The following ELL variants were observed in gnomAD, a reference collection of about 807,000 sequenced individuals.
The protein encoded by ELL is RNA polymerase II elongation factor ELL.
A neutral mutation model predicts 64.0 loss-of-function variants in ELL; 18 were observed. That is an observed-to-expected ratio of 0.28 (90% confidence interval 0.19 to 0.42). ELL has a LOEUF of 0.42. Ranked by LOEUF, ELL falls within the 10% of genes least tolerant of loss-of-function variation. ELL has a pLI of 1.00. For missense variants in ELL, 797 were observed against 870.4 expected (o/e 0.92, Z 1.06); for synonymous variants, 399 against 376.2 (o/e 1.06, Z -0.70).
At chr19:18,520,140 G>A (rs572736118) in intron 1 of ELL, among the ~76,000 whole-genome samples, 17 of 152,250 alleles carry the variant, frequency 1.1e-4, no homozygotes, top group African/African-American at 3.6e-4. Flanking sequence ...ACACACAGGC[G>A]GACCTTCTGG....
chr19:18,453,383 A>G (rs1007082124), intron 6 of ELL, among the ~76,000 whole-genome samples: 18 of 152,272 alleles, frequency 1.2e-4, no homozygotes, highest in African/African-American at 4.1e-4. Flanking sequence ...CTAAAAGCAC[A>G]TAACAAGATG....
Position 18,449,808 on chromosome 19 carries a change from T to C in ELL, c.1465+669A>G, listed in dbSNP as rs1345246811. Among the ~76,000 whole-genome samples, 1 of 152,190 alleles carries C rather than the reference T, an allele frequency of 6.6e-6. No homozygotes were observed. The highest frequency in any genetic ancestry group is 6.5e-5 in the Admixed American group (1 of 15,278). On this transcript the variant is annotated intron_variant, in intron 8 of 11. Transcript: ENST00000262809. This position sits in a 1 kb window ranked among gnomAD's most constrained non-coding sequence, Gnocchi z 4.4. ...TGGCCACTGCTTCTGCTGGTTCCTA[T>C]AAATGAACAGCTGCGCAGGCTCATG... is the stretch of plus-strand genomic sequence containing the variant.
chr19:18,446,277 C>T, intron 10 of ELL, 32 bp downstream of exon 10: 10 of 1,522,284 alleles, frequency 6.6e-6, no homozygotes, highest in Non-Finnish European at 8.8e-6. Context: ...CCCGCCAGAG[C>T]CAGGGCACAG....
At position 18,450,888 on chromosome 19, in the gene ELL, C is replaced by T. The variant is rs780211793; in HGVS notation, c.1054G>A (p.Val352Ile). The part of the protein sequence containing the change: ...SHFTQRAQPA[V>I]NGKLGVPNGR... ...TTGGGCACGCCCAGCTTCCCGTTGA[C>T]GGCAGGCTGAGCTCTCTGAGTGAAG... Residue 352 changes from valine to isoleucine, a missense_variant, in exon 8 of 12, where the codon GTC becomes ATC. Physicochemically the swap from Val to Ile is conservative, Grantham distance 29. Coordinates refer to ENST00000262809, the MANE Select transcript of ELL (RefSeq NM_006532.4). The T allele has an allele frequency of 2.0e-5, 32 of 1,575,178 alleles. No homozygotes were observed. The highest frequency in any genetic ancestry group is 5.7e-5 in the South Asian group (5 of 87,126).
intron 2 of ELL, chr19:18,470,950 T>A: frequency 8.8e-6 from 4 of 456,608 alleles, no homozygotes; most frequent in South Asian, 6.2e-5. Context: ...AGAGGCTCCA[T>A]GTCTCTGCAG....
At chr19:18,512,876 A>G (rs964632524) in intron 1 of ELL, among the ~76,000 whole-genome samples, 1 of 152,190 alleles carries the variant, frequency 6.6e-6, no homozygotes, top group Non-Finnish European at 1.5e-5. Context: ...CTGATCCCCA[A>G]TATGCAGTTC....
In ELL at chr19:18,446,381, C is replaced by T; in HGVS notation, c.1632G>A (p.Glu544=). The stretch of plus-strand genomic sequence containing the variant: ...GCTGGGTGAACCGCCGCGTGATGCG[C>T]TCAATGCGGGCGTGCAGGTCGCGGT... The part of the protein sequence containing the change: ...SEYRDLHARI[E]RITRRFTQLD... The change falls in exon 10 of 12, where the codon GAG becomes GAA. Residue 544 remains glutamate (E), a synonymous_variant. Coordinates refer to ENST00000262809, the MANE Select transcript of ELL (RefSeq NM_006532.4). 1 of 1,611,094 alleles carries T rather than the reference C, an allele frequency of 6.2e-7. No individual in the cohort carries two copies. Among genetic ancestry groups the T allele is most frequent in the Middle Eastern group, 1.7e-4 (1 of 6,056 alleles).
At position 18,451,572 on chromosome 19, in the gene ELL, G is replaced by T; in HGVS notation, c.946C>A (p.Arg316Ser). 6.7e-7 allele frequency: 1 copy of T among 1,490,908 alleles called. No individual in the cohort carries two copies. The allele number at this position is 1,490,908 out of a possible 1,614,324, so 92.4% of individuals were successfully genotyped here. A position where few individuals can be genotyped will look rare whatever the true frequency, so the allele number is the denominator to read the frequency against. ...CTTACCTGTGGGGGCGAGGCCGAGC[G>T]CCCACGCTCGCCTGGGGGGCTGGAG... is the stretch of plus-strand genomic sequence containing the variant. ...AASSPPGERG[R>S]SASPPQKRLQ... Residue 316 changes from arginine to serine, a missense_variant, in exon 7 of 12, where the codon CGC becomes AGC. Transcript: ENST00000262809.
chr19:18,503,772 G>T (rs1975828651), intron 1 of ELL, among the ~76,000 whole-genome samples: 1 of 152,140 alleles, frequency 6.6e-6, no homozygotes, highest in Admixed American at 6.5e-5. Context: ...CCCTTCCTTG[G>T]GTCCTGCCGA....
intron 1 of ELL, among the ~76,000 whole-genome samples, chr19:18,494,796 G>A (rs1975613453): frequency 6.6e-6 from 1 of 152,156 alleles, no homozygotes; most frequent in East Asian, 1.9e-4. Context: ...ACCAGGTGGG[G>A]CATCTTCCTG....
At chr19:18,447,091 A>G (rs1974432404) in intron 8 of ELL, among the ~76,000 whole-genome samples, 1 of 152,214 alleles carries the variant, frequency 6.6e-6, no homozygotes, top group Non-Finnish European at 1.5e-5. Flanking sequence ...CAGAGCACCC[A>G]GGCATCACCA....
intron 4 of ELL, among the ~76,000 whole-genome samples, chr19:18,462,056 G>T (rs1233033564): frequency 6.6e-6 from 1 of 152,174 alleles, no homozygotes; most frequent in Non-Finnish European, 1.5e-5. Context: ...GCACCTGCAG[G>T]GCACCCAGCC....
chr19:18,478,207 G>A (rs1171196653), intron 1 of ELL, among the ~76,000 whole-genome samples: 1 of 152,210 alleles, frequency 6.6e-6, no homozygotes, highest in Admixed American at 6.5e-5. Flanking sequence ...TGTCATGGCC[G>A]AACCCTTGTC....
intron 1 of ELL, among the ~76,000 whole-genome samples, chr19:18,481,088 G>A (rs1012131131): frequency 3.3e-5 from 5 of 152,168 alleles, no homozygotes; most frequent in African/African-American, 9.7e-5. Context: ...AGGACAGCAC[G>A]CTGAGCAGGC....
intron 1 of ELL, among the ~76,000 whole-genome samples, chr19:18,487,050 G>A (rs543996038): frequency 6.6e-6 from 1 of 152,330 alleles, no homozygotes; most frequent in South Asian, 2.1e-4. Flanking sequence ...CACGCAGTGG[G>A]TAAATCCTAA....
chr19:18,495,279 T>C (rs1975624456), intron 1 of ELL, among the ~76,000 whole-genome samples: 1 of 151,850 alleles, frequency 6.6e-6, no homozygotes, highest in African/African-American at 2.4e-5. Context: ...AGGGTCAGTG[T>C]CTGGCATGAC....
intron 2 of ELL, among the ~76,000 whole-genome samples, chr19:18,470,263 A>G (rs141916214): frequency 6.6e-6 from 1 of 152,366 alleles, no homozygotes; most frequent in Non-Finnish European, 1.5e-5. Flanking sequence ...ACGCAAGGAC[A>G]CCACTGTGTG....
intron 1 of ELL, among the ~76,000 whole-genome samples, chr19:18,507,615 T>C (rs1443502429): frequency 6.6e-6 from 1 of 152,244 alleles, no homozygotes; most frequent in East Asian, 1.9e-4. Flanking sequence ...TGCTGGTTTA[T>C]GGTGCACCTC....
chr19:18,505,076 G>A (rs891567670), intron 1 of ELL, among the ~76,000 whole-genome samples: 2 of 152,212 alleles, frequency 1.3e-5, no homozygotes, highest in African/African-American at 4.8e-5. Flanking sequence ...CTGCCATCAT[G>A]GCCAAACCTC....
Sources: allele counts gnomAD v4.1 joint callset (sites outside exome capture counted in the v4.1 genomes callset), GRCh38; gene constraint gnomAD v4.1.1; non-coding constraint Gnocchi (gnomAD v3.1); transcripts MANE v1.5; gene names NCBI Gene and HGNC (gene_info 2026-07-23, HGNC 2026-07-21).